The following LRP2 variants were observed in gnomAD, a reference collection of about 807,000 sequenced individuals.
LRP2 encodes low-density lipoprotein receptor-related protein 2.
LRP2 carries 172 observed loss-of-function variants against 531.0 expected under a neutral mutation model. That is an observed-to-expected ratio of 0.32 (90% CI 0.29 to 0.37). The LOEUF (loss-of-function observed/expected upper bound fraction) is 0.37. Ranked by LOEUF, LRP2 falls within the 10% of genes least tolerant of loss-of-function variation. LRP2 has a pLI of 1.00. For synonymous variants in LRP2, 1,992 were observed against 2,027.6 expected, an observed-to-expected ratio of 0.98 and a Z score of 0.47; for missense variants, 5,167 against 5,868.3, an observed-to-expected ratio of 0.88 and a Z score of 3.90.
chr2:169,305,787 G>A (rs1263777754), intron 4 of LRP2, among the ~76,000 whole-genome samples: 1 of 152,214 alleles, frequency 6.6e-6, no homozygotes, highest in African/African-American at 2.4e-5. Flanking sequence ...GGTCCCCTAA[G>A]ATTATAATAC....
chr2:169,295,882 T>C (rs1388804618), intron 4 of LRP2, among the ~76,000 whole-genome samples: 2 of 152,198 alleles, frequency 1.3e-5, no homozygotes, highest in Non-Finnish European at 2.9e-5. Flanking sequence ...TCATGAAAGA[T>C]TATTTTTGTA....
intron 13 of LRP2, 63 bp from the exon 14 acceptor site, chr2:169,275,301 T>C: frequency 7.8e-7 from 1 of 1,282,178 alleles, no homozygotes; most frequent in Non-Finnish European, 1.1e-6. Context: ...TAATTAAAGC[T>C]GTAGTTAGTT....
intron 52 of LRP2, among the ~76,000 whole-genome samples, chr2:169,180,362 T>C (rs1303734340): frequency 6.6e-6 from 1 of 152,252 alleles, no homozygotes; most frequent in Non-Finnish European, 1.5e-5. Flanking sequence ...CTAGAAATAA[T>C]ATTGTACTGC....
chr2:169,180,852 A>G (rs1687403819), intron 52 of LRP2, among the ~76,000 whole-genome samples: 1 of 152,216 alleles, frequency 6.6e-6, no homozygotes, highest in Admixed American at 6.5e-5. Context: ...TTTTTGATTA[A>G]TAATGTGTAT....
intron 1 of LRP2, among the ~76,000 whole-genome samples, chr2:169,340,920 T>C (rs994460287): frequency 6.6e-6 from 1 of 152,180 alleles, no homozygotes; most frequent in African/African-American, 2.4e-5. Flanking sequence ...TGCCTGACAC[T>C]GTGCCAGACA....
At chr2:169,256,609 G>A (rs552181759) in intron 18 of LRP2, among the ~76,000 whole-genome samples, 1 of 151,794 alleles carries the variant, frequency 6.6e-6, no homozygotes, top group East Asian at 1.9e-4. Flanking sequence ...ATCTTTATAA[G>A]CTTATTTACT....
chr2:169,293,374 A>G (rs1684049811), intron 6 of LRP2, among the ~76,000 whole-genome samples: 1 of 152,186 alleles, frequency 6.6e-6, no homozygotes, highest in African/African-American at 2.4e-5. Flanking sequence ...AAAGCCACCT[A>G]TACCACACTG....
chr2:169,181,341 C>G, intron 52 of LRP2, 107 bp downstream of exon 52: 1 of 1,124,704 alleles, frequency 8.9e-7, no homozygotes, highest in Non-Finnish European at 1.3e-6. Context: ...TGACTTCCAA[C>G]AGACAGGCCA....
At chr2:169,265,215 C>T (rs1690750713) in intron 16 of LRP2, among the ~76,000 whole-genome samples, 1 of 152,036 alleles carries the variant, frequency 6.6e-6, no homozygotes, top group Non-Finnish European at 1.5e-5. Flanking sequence ...ACATCTTCCC[C>T]TTACCTCATG....
chr2:169,148,628 T>A (rs1686008797), intron 68 of LRP2, among the ~76,000 whole-genome samples: 2 of 152,138 alleles, frequency 1.3e-5, no homozygotes, highest in South Asian at 4.1e-4. Context: ...ACCCTGTCTA[T>A]ATAAGTAAAT....
chr2:169,214,704 C>A (rs1688715541), intron 35 of LRP2, among the ~76,000 whole-genome samples: 1 of 152,162 alleles, frequency 6.6e-6, no homozygotes, highest in South Asian at 2.1e-4. Flanking sequence ...ATTAGCTGAG[C>A]AACCTCACAG....
At chr2:169,261,185 T>A (rs930522613) in intron 16 of LRP2, among the ~76,000 whole-genome samples, 1 of 151,924 alleles carries the variant, frequency 6.6e-6, no homozygotes, top group African/African-American at 2.4e-5. Context: ...AAGGGTAAGT[T>A]GCATATTTTT....
At chr2:169,313,936 A>G (rs991363275) in intron 3 of LRP2, among the ~76,000 whole-genome samples, 1 of 152,214 alleles carries the variant, frequency 6.6e-6, no homozygotes, top group Non-Finnish European at 1.5e-5. Flanking sequence ...TTTAGAGTCC[A>G]TAGATATCAG....
chr2:169,330,166 T>C (rs1361942782), intron 1 of LRP2, among the ~76,000 whole-genome samples: 1 of 152,212 alleles, frequency 6.6e-6, no homozygotes, highest in Non-Finnish European at 1.5e-5. Flanking sequence ...TGGGGACCGC[T>C]GCCTTAGGGC....
intron 16 of LRP2, among the ~76,000 whole-genome samples, chr2:169,264,300 C>T (rs372736287): frequency 5.3e-5 from 8 of 151,800 alleles, no homozygotes; most frequent in South Asian, 2.1e-4. Context: ...GCTCAGCATA[C>T]GAACTTGAAG....
rs776977042 is a variant in LRP2, at chr2:169,162,591, G to A, written c.11768C>T (p.Pro3923Leu). The A allele has an allele frequency of 2.9e-5, 46 of 1,613,902 alleles. No homozygotes were observed. Among genetic ancestry groups the A allele is most frequent in the Middle Eastern group, 1.6e-4 (1 of 6,084 alleles). Residue 3923 changes from proline to leucine, a missense_variant, in exon 63 of 79, where the codon CCG becomes CTG. By Grantham distance (98) the Pro-to-Leu change is moderately conservative. This residue lies in a region of LRP2 where 564 missense variants were observed against 747.7 expected (regional missense o/e 0.75). Transcript: ENST00000649046. ...ATATTCTGTACAAGGTTTAGGGGTCGGTTTTCTACCTGCAATGTAAAAACA... is the reference window on the plus strand; with the variant it reads ...ATATTCTGTACAAGGTTTAGGGGTCAGTTTTCTACCTGCAATGTAAAAACA... Reference protein sequence around the residue: ...TDETEEHCRKPTPKPCTEYEY... With the variant: ...TDETEEHCRKLTPKPCTEYEY...
intron 9 of LRP2, among the ~76,000 whole-genome samples, chr2:169,288,757 G>A (rs1351590518): frequency 1.3e-5 from 2 of 152,086 alleles, no homozygotes; most frequent in African/African-American, 4.8e-5. Flanking sequence ...AACAGAAAAG[G>A]ACTACCGCCC....
intron 70 of LRP2, 39 bp downstream of exon 70, chr2:169,145,708 A>C: frequency 6.3e-7 from 1 of 1,590,410 alleles, no homozygotes; most frequent in South Asian, 1.1e-5. Context: ...TAAGATTTCC[A>C]AGTAATGAGG....
At chr2:169,248,279 G>A (rs1690092762) in intron 19 of LRP2, among the ~76,000 whole-genome samples, 2 of 152,222 alleles carry the variant, frequency 1.3e-5, no homozygotes. Flanking sequence ...TTGCATCAAT[G>A]TGGATTTTCT....
Sources: allele counts gnomAD v4.1 joint callset (sites outside exome capture counted in the v4.1 genomes callset), GRCh38; gene constraint gnomAD v4.1.1; regional missense constraint gnomAD v4.1.1; transcripts MANE v1.5; gene names NCBI Gene and HGNC (gene_info 2026-07-23, HGNC 2026-07-21).